The following MELTF variants were observed in gnomAD, a reference collection of about 807,000 sequenced individuals.
MELTF encodes the protein antigen p97 (melanoma associated) identified by monoclonal antibodies 133.2 and 96.5.
A neutral mutation model predicts 83.7 loss-of-function variants in MELTF; 67 were observed. The observed-to-expected ratio is 0.80, with a 90% CI of 0.66 to 0.98. MELTF has a LOEUF of 0.98. MELTF is among the 50% of genes least tolerant of loss of function. The pLI is 0.00. For missense variants in MELTF, 1,002 were observed against 1,035.6 expected (o/e 0.97, Z 0.44); for synonymous variants, 462 against 447.6 (o/e 1.03, Z -0.41).
chr3:197,005,816 G>GA (rs1321456554), intron 14 of MELTF, among the ~76,000 whole-genome samples: 4 of 151,714 alleles, frequency 2.6e-5, no homozygotes, highest in African/African-American at 9.8e-5. Context: ...ATCCTTAAGA[G>GA]GGGCCAGAGG....
chr3:197,018,622 T>C (rs1463405879), intron 6 of MELTF, among the ~76,000 whole-genome samples: 1 of 151,882 alleles, frequency 6.6e-6, no homozygotes, highest in Non-Finnish European at 1.5e-5. Context: ...AATTTTTGTA[T>C]TTTTCCTAGA....
intron 1 of MELTF, 65 bp from the exon 2 acceptor site, chr3:197,027,975 G>A: frequency 6.7e-7 from 1 of 1,493,700 alleles, no homozygotes; most frequent in East Asian, 2.5e-5. Flanking sequence ...ACCATGGAGG[G>A]TGGCTCCAGC....
Position 197,017,277 on chromosome 3 carries a change from G to C in MELTF, c.726C>G (p.Pro242=). ...GTGACAGCAGGGCCTGGCCCCAGGA[G>C]GGAAGCGTCTTCCCTGGGAAGCAGG... ...VLENTDGKTL[P]SWGQALLSQD... Residue 242 remains proline, a synonymous_variant, in exon 7 of 16, where the codon CCC becomes CCG. Coordinates refer to ENST00000296350, the MANE Select transcript of MELTF (RefSeq NM_005929.6). 6.4e-7 allele frequency: 1 copy of C among 1,557,942 alleles called. No homozygotes were observed. The highest frequency in any genetic ancestry group is 2.3e-5 in the East Asian group (1 of 43,098).
Position 197,008,934 on chromosome 3 carries a change from C to A in MELTF, c.1557G>T (p.Val519=). The change falls in exon 12 of 16, where the codon GTG becomes GTT. Residue 519 remains valine (V), a synonymous_variant. Coordinates refer to ENST00000296350, the MANE Select transcript of MELTF (RefSeq NM_005929.6). The surrounding 1 kb of genome is among the most constrained non-coding windows in gnomAD (Gnocchi z 5.4). Reference sequence around the variant, plus strand: ...GGTAGTTCTTGGGGTTGTTCACGGGCACGCAGCTGGCATTGAAGAACTCGC... The same window carrying A: ...GGTAGTTCTTGGGGTTGTTCACGGGAACGCAGCTGGCATTGAAGAACTCGC... The part of the protein sequence containing the change: ...AVSEFFNASC[V]PVNNPKNYPS... 1 of 1,614,024 alleles carries A rather than the reference C, an allele frequency of 6.2e-7. No homozygotes were observed. The highest frequency in any genetic ancestry group is 8.5e-7 in the Non-Finnish European group (1 of 1,179,926).
chr3:197,017,173 G>A lies in MELTF; in HGVS notation c.830C>T (p.Pro277Leu), dbSNP rs1719411700. Residue 277 changes from proline to leucine, a missense_variant, in exon 7 of 16, where the codon CCT becomes CTT. Coordinates refer to ENST00000296350, the MANE Select transcript of MELTF (RefSeq NM_005929.6). ...EWRQCHLARV[P>L]AHAVVVRADT... ...GGCCCGGACCACCACGGCGTGAGCA[G>A]GCACCCGGGCCAGATGGCACTGCCT... 6.2e-7 allele frequency: 1 copy of A among 1,609,934 alleles called. No individual in the cohort carries two copies. The highest frequency in any genetic ancestry group is 8.5e-7 in the Non-Finnish European group (1 of 1,179,026).
At position 197,024,128 on chromosome 3, in the gene MELTF, C is replaced by T. The variant is rs1181846796; in HGVS notation, c.487+175G>A. Among the ~76,000 whole-genome samples, 7 of 144,678 alleles carry T rather than the reference C, an allele frequency of 4.8e-5. No individual in the cohort carries two copies. In the East Asian group the frequency reaches 1.1e-3, roughly 23 times the overall value. 94.9% of individuals were successfully genotyped at this position (144,678 alleles called of 152,430 possible). ...AAGCAAGCAGGAAGTCAAGCGGCGG[C>T]GCCGGCGGCAGAGTGGAGGCGGGGG... On this transcript the variant is annotated intron_variant, in intron 4 of 15. Coordinates refer to ENST00000296350, the MANE Select transcript of MELTF (RefSeq NM_005929.6). This position sits in a 1 kb window ranked among gnomAD's most constrained non-coding sequence, Gnocchi z 5.3.
rs145105088 is a variant in MELTF at position 197,010,729 on chromosome 3, G to T, written c.1299C>A (p.Gly433=). The T allele has an allele frequency of 6.4e-5, 103 of 1,613,506 alleles. No homozygotes were observed. In the Middle Eastern group the frequency reaches 6.6e-4, roughly 10 times the overall value. Reference sequence around the variant, plus strand: ...AGTGCTCCCCGGCTGCGGGAACCAGGCCGTACGTCTTCCCCGCCGTGTAAA... The same window carrying T: ...AGTGCTCCCCGGCTGCGGGAACCAGTCCGTACGTCTTCCCCGCCGTGTAAA... ...EDIYTAGKTY[G]LVPAAGEHYA... Residue 433 remains glycine, a synonymous_variant, in exon 10 of 16, where the codon GGC becomes GGA. Coordinates refer to ENST00000296350, the MANE Select transcript of MELTF (RefSeq NM_005929.6).
rs913576639 is a variant in MELTF, at chr3:197,003,765, G to A, written c.2137+136C>T. ...CAGCCTCCTGGCCAAAATCCTCCCG[G>A]GACACCCCACCTGGACTGCTGCGAA... is the stretch of plus-strand genomic sequence containing the variant. On this transcript the variant is annotated intron_variant, in intron 15 of 15. Coordinates refer to ENST00000296350, the MANE Select transcript of MELTF (RefSeq NM_005929.6). This position sits in a 1 kb window ranked among gnomAD's most constrained non-coding sequence, Gnocchi z 6.2. 7.7e-5 allele frequency: 74 copies of A among 962,346 alleles called. No homozygotes were observed. The highest frequency in any genetic ancestry group is 1.1e-4 in the Non-Finnish European group (70 of 661,578). The allele number at this position is 962,346 out of a possible 1,614,324, so 59.6% of individuals were successfully genotyped here. A position where few individuals can be genotyped will look rare whatever the true frequency, so the allele number is the denominator to read the frequency against.
Position 197,016,368 on chromosome 3 carries a change from C to A in MELTF, c.902G>T (p.Arg301Leu). Residue 301 changes from arginine to leucine, a missense_variant and splice_region_variant, in exon 8 of 16, where the codon CGT becomes CTT. Arg to Leu is a moderately radical substitution (Grantham distance 102). Coordinates refer to ENST00000296350, the MANE Select transcript of MELTF (RefSeq NM_005929.6). ...LIFRLLNEGQ[R>L]LFSHEGSSFQ... The stretch of plus-strand genomic sequence containing the variant: ...GCTGCTGCCCTCGTGGCTGAACAGA[C>A]GCTGTGTGTCAAGGGGTGTGGTACA... The A allele has an allele frequency of 1.3e-6, 2 of 1,582,380 alleles. No homozygotes were observed. Among genetic ancestry groups the A allele is most frequent in the South Asian group, 1.2e-5 (1 of 85,146 alleles).
At position 197,003,434 on chromosome 3, in the gene MELTF, C is replaced by T. The variant is rs1718835639; in HGVS notation, c.2155G>A (p.Ala719Thr). ...GGCAGCAGCAGCGGGAGCAGGGGCG[C>T]CCCGGGCGCCGGGGCCGCTGGGGAC... ...CSGAAAPAPGAPLLPLLLPAL... is the reference protein window; with the variant it reads ...CSGAAAPAPGTPLLPLLLPAL... Residue 719 changes from alanine (A) to threonine (T), a missense_variant, in exon 16 of 16, where the codon GCG (alanine) becomes ACG (threonine). Physicochemically the swap from Ala to Thr is moderately conservative, Grantham distance 58. Transcript: ENST00000296350. This position sits in a 1 kb window ranked among gnomAD's most constrained non-coding sequence, Gnocchi z 6.2. The T allele has an allele frequency of 1.0e-5, 11 of 1,096,366 alleles. No homozygotes were observed. Among genetic ancestry groups the T allele is most frequent in the Non-Finnish European group, 1.2e-5 (11 of 903,442 alleles). 67.9% of individuals were successfully genotyped at this position (1,096,366 alleles called of 1,614,324 possible).
In MELTF at chr3:197,024,727, T is replaced by C. The variant is rs1719783971; in HGVS notation, c.305-242A>G. On this transcript the variant is annotated intron_variant, in intron 3 of 15. Transcript: ENST00000296350. This position sits in a 1 kb window ranked among gnomAD's most constrained non-coding sequence, Gnocchi z 5.3. ...CCTGAGATATTGATGTATTCATTGA[T>C]TTCCCCCTCTTCCTTCCCCAGCAGC... 6.6e-6 allele frequency among the ~76,000 whole-genome samples: 1 copy of C among 152,222 alleles called. No individual in the cohort carries two copies.
At position 197,003,480 on chromosome 3, in the gene MELTF, C is replaced by A; in HGVS notation, c.2138-29G>T. The A allele has an allele frequency of 1.9e-6, 2 of 1,045,822 alleles. No individual in the cohort carries two copies. The highest frequency in any genetic ancestry group is 4.5e-5 in the South Asian group (1 of 22,222). 64.8% of individuals were successfully genotyped at this position (1,045,822 alleles called of 1,614,324 possible). ...GGGACGAACGCGGCGGGTCAGGCCC[C>A]GAAGCCCGGGCCGCGGTGGCCGCCT... On this transcript the variant is annotated intron_variant, in intron 15 of 15. Transcript: ENST00000296350. The surrounding 1 kb of genome is among the most constrained non-coding windows in gnomAD (Gnocchi z 6.2).
At chr3:197,009,034 G>A (rs951123780) in intron 11 of MELTF, 69 bp from the exon 12 acceptor site, 14 of 1,576,208 alleles carry the variant, frequency 8.9e-6, no homozygotes, top group Non-Finnish European at 1.2e-5. Flanking sequence ...TGGGCGGGCC[G>A]CTCCCCCACA....
In MELTF at chr3:197,023,029, C is replaced by G. The variant is rs974611170; in HGVS notation, c.572G>C (p.Gly191Ala). The G allele has an allele frequency of 6.2e-7, 1 of 1,613,840 alleles. No individual in the cohort carries two copies. The highest frequency in any genetic ancestry group is 8.5e-7 in the Non-Finnish European group (1 of 1,180,020). ...YSESLCRLCR[G>A]DSSGEGVCDK... ...ACACACCCCTTCCCCAGAGCTGTCA[C>G]CCCTGCAGAGGCGACAGAGGGACTC... The change falls in exon 5 of 16, where the codon GGT (glycine) becomes GCT (alanine). Residue 191 changes from glycine to alanine, a missense_variant. Transcript: ENST00000296350.
rs778774904 is a variant in MELTF, at chr3:197,022,928, C to T, written c.644+29G>A. ...TGTGGCCTCAGCTCCTCCCTGCCCT[C>T]GGCCCCTCCCTGCCCCCACTCCGCT... On this transcript the variant is annotated intron_variant, in intron 5 of 15. Transcript: ENST00000296350. This position sits in a 1 kb window ranked among gnomAD's most constrained non-coding sequence, Gnocchi z 5.1. The T allele has an allele frequency of 8.9e-6, 14 of 1,579,566 alleles. No homozygotes were observed. Among genetic ancestry groups the T allele is most frequent in the South Asian group, 2.3e-5 (2 of 87,208 alleles).
At chr3:197,025,409 G>C (rs977567941) in intron 3 of MELTF, 2 of 152,248 alleles carry the variant, frequency 1.3e-5, no homozygotes, top group African/African-American at 4.8e-5. Context: ...AGATGGTTGC[G>C]GGGCTCAGCT....
chr3:197,018,410 CA>C (rs1384865598), intron 6 of MELTF, among the ~76,000 whole-genome samples: 1 of 152,006 alleles, frequency 6.6e-6, no homozygotes, highest in East Asian at 1.9e-4. Context: ...CTCGGCCTCC[CA>C]AAGTGCTGGG....
rs540888001 is a variant in MELTF at position 197,007,481 on chromosome 3, G to A, written c.1751-745C>T. Among the ~76,000 whole-genome samples, 34 of 152,308 alleles carry A rather than the reference G, an allele frequency of 2.2e-4. No individual in the cohort carries two copies. The highest frequency in any genetic ancestry group is 7.2e-4 in the African/African-American group (30 of 41,552). The stretch of plus-strand genomic sequence containing the variant: ...AGGGAAAGGAGTGGCCCTGGGAGGC[G>A]GGTGACTCACTGCAAGTGAACCTCC... On this transcript the variant is annotated intron_variant, in intron 13 of 15. Transcript: ENST00000296350. This position sits in a 1 kb window ranked among gnomAD's most constrained non-coding sequence, Gnocchi z 4.3.
intron 11 of MELTF, 89 bp from the exon 12 acceptor site, chr3:197,009,054 AC>A: frequency 5.4e-6 from 8 of 1,490,912 alleles, no homozygotes; most frequent in Non-Finnish European, 7.3e-6. Context: ...AGGTCTGCCC[AC>A]CCCCCGGATC....
Sources: gnomAD v4.1 joint callset for allele counts (sites outside exome capture counted in the v4.1 genomes callset) on GRCh38, gnomAD v4.1.1 for gene constraint, Gnocchi (gnomAD v3.1) non-coding constraint, MANE v1.5 for transcripts, NCBI Gene and HGNC (gene_info 2026-07-23, HGNC 2026-07-21) for gene names.